The following NYAP2 variants were observed in gnomAD, a reference collection of about 807,000 sequenced individuals.
NYAP2 encodes the protein neuronal tyrosine-phosphorylated phosphoinositide-3-kinase adaptor 2.
In NYAP2, 23 loss-of-function variants were observed where a neutral mutation model predicts 50.4. The ratio of observed to expected loss-of-function variants is 0.46; its 90% CI spans 0.33 to 0.65. The LOEUF (loss-of-function observed/expected upper bound fraction) is 0.65. Among genes scored for constraint, NYAP2 ranks in the 30% least tolerant of loss-of-function variants. NYAP2 has a pLI of 0.02. For synonymous variants in NYAP2, 394 were observed against 365.2 expected, an observed-to-expected ratio of 1.08 and a Z score of -0.90; for missense variants, 885 against 861.0, an observed-to-expected ratio of 1.03 and a Z score of -0.35.
intron 3 of NYAP2, among the ~76,000 whole-genome samples, chr2:225,411,995 A>G (rs1695049966): frequency 6.7e-6 from 1 of 149,108 alleles, no homozygotes; most frequent in South Asian, 2.1e-4. Flanking sequence ...ATATTATATT[A>G]TACTATAATA....
At chr2:225,461,482 A>G (rs1466293275) in intron 3 of NYAP2, among the ~76,000 whole-genome samples, 1 of 152,240 alleles carries the variant, frequency 6.6e-6, no homozygotes, top group Non-Finnish European at 1.5e-5. Flanking sequence ...TGCTTCTGGT[A>G]GTGGAAGACT....
intron 4 of NYAP2, among the ~76,000 whole-genome samples, chr2:225,521,923 A>AAGCT (rs1405751703): frequency 2.6e-5 from 4 of 152,054 alleles, no homozygotes; most frequent in African/African-American, 9.7e-5. Context: ...TTTTGTTGGT[A>AAGCT]AGCTATTGAT....
At chr2:225,584,016 T>A (rs1332759685) in intron 5 of NYAP2, among the ~76,000 whole-genome samples, 1 of 152,060 alleles carries the variant, frequency 6.6e-6, no homozygotes, top group Non-Finnish European at 1.5e-5. Flanking sequence ...CTCTCCAGCC[T>A]GGGCGATAGA....
intron 3 of NYAP2, among the ~76,000 whole-genome samples, chr2:225,412,254 G>A (rs1298043097): frequency 5.8e-5 from 1 of 17,366 alleles, no homozygotes; most frequent in Non-Finnish European, 1.4e-4. Flanking sequence ...ACTGCGCCCG[G>A]CTTTTTTTTT....
At chr2:225,642,066 G>C (rs554313390) in intron 6 of NYAP2, among the ~76,000 whole-genome samples, 2 of 150,284 alleles carry the variant, frequency 1.3e-5, no homozygotes, top group African/African-American at 4.9e-5. Context: ...AGACAGACAT[G>C]GTTCCTGCTT....
At chr2:225,491,135 A>G (rs1432705932) in intron 3 of NYAP2, among the ~76,000 whole-genome samples, 4 of 152,232 alleles carry the variant, frequency 2.6e-5, no homozygotes, top group African/African-American at 9.6e-5. Context: ...TAAAAAGGCA[A>G]AAAAGAAAAA....
intron 6 of NYAP2, among the ~76,000 whole-genome samples, chr2:225,643,714 A>T (rs1397631478): frequency 9.2e-5 from 14 of 151,674 alleles, no homozygotes; most frequent in Admixed American, 2.6e-4. Context: ...TGTTCTTGCG[A>T]TAGTTTACTG....
chr2:225,576,586 A>G (rs1692173867), intron 4 of NYAP2, among the ~76,000 whole-genome samples: 1 of 152,220 alleles, frequency 6.6e-6, no homozygotes, highest in Non-Finnish European at 1.5e-5. Context: ...AGTATCACAC[A>G]GTGTAGACAT....
chr2:225,636,336 T>TA (rs1481174758), intron 6 of NYAP2, among the ~76,000 whole-genome samples: 1 of 152,184 alleles, frequency 6.6e-6, no homozygotes, highest in Admixed American at 6.5e-5. Flanking sequence ...TTCAACTTTT[T>TA]AATATATCTA....
At chr2:225,443,553 T>A (rs1334648634) in intron 3 of NYAP2, among the ~76,000 whole-genome samples, 1 of 152,078 alleles carries the variant, frequency 6.6e-6, no homozygotes. Context: ...AAAATGATGG[T>A]ACTGGTATGT....
At chr2:225,404,063 C>T (rs1263379588) in intron 2 of NYAP2, among the ~76,000 whole-genome samples, 1 of 151,940 alleles carries the variant, frequency 6.6e-6, no homozygotes, top group East Asian at 1.9e-4. Flanking sequence ...GCCCTCTATA[C>T]CTTGGGGAAC....
intron 3 of NYAP2, among the ~76,000 whole-genome samples, chr2:225,444,153 A>G (rs368594942): frequency 2.0e-5 from 3 of 152,206 alleles, no homozygotes; most frequent in African/African-American, 7.2e-5. Context: ...GCAGACAACA[A>G]CTAAGAAAGA....
At chr2:225,476,446 T>C (rs1263329588) in intron 3 of NYAP2, among the ~76,000 whole-genome samples, 2 of 151,852 alleles carry the variant, frequency 1.3e-5, no homozygotes, top group Non-Finnish European at 2.9e-5. Flanking sequence ...TTAAAAAATA[T>C]GCCAGGTTTT....
chr2:225,553,021 G>T (rs986848188), intron 4 of NYAP2, among the ~76,000 whole-genome samples: 1 of 152,130 alleles, frequency 6.6e-6, no homozygotes, highest in Admixed American at 6.6e-5. Flanking sequence ...CCAAGGCTAT[G>T]GTACTTTGTT....
intron 3 of NYAP2, among the ~76,000 whole-genome samples, chr2:225,432,799 A>G (rs1468505856): frequency 1.3e-5 from 2 of 152,192 alleles, no homozygotes; most frequent in Non-Finnish European, 2.9e-5. Flanking sequence ...TGACTCCTTC[A>G]TATTTTTCTC....
chr2:225,440,075 T>C (rs1050603474), intron 3 of NYAP2, among the ~76,000 whole-genome samples: 2 of 152,148 alleles, frequency 1.3e-5, no homozygotes, highest in East Asian at 3.9e-4. Flanking sequence ...ATGATTCAAT[T>C]ACCTCCACAT....
chr2:225,601,340 C>T (rs557172408), intron 5 of NYAP2, among the ~76,000 whole-genome samples: 32 of 152,016 alleles, frequency 2.1e-4, no homozygotes, highest in African/African-American at 5.3e-4. Context: ...AGAATGGTCT[C>T]GATCTCTTGA....
the NYAP2 span, among the ~76,000 whole-genome samples, chr2:225,664,548 A>G: frequency 1.3e-5 from 2 of 152,212 alleles, no homozygotes; most frequent in East Asian, 3.9e-4. Context: ...CTACTTACTG[A>G]GGATGAGAGA....
chr2:225,541,204 G>A (rs1437481018), intron 4 of NYAP2, among the ~76,000 whole-genome samples: 1 of 152,044 alleles, frequency 6.6e-6, no homozygotes, highest in Non-Finnish European at 1.5e-5. Context: ...CTTGTTAGGT[G>A]GATAGTTTGC....
Sources: gnomAD v4.1 joint callset for allele counts (sites outside exome capture counted in the v4.1 genomes callset) on GRCh38, gnomAD v4.1.1 for gene constraint, MANE v1.5 for transcripts, NCBI Gene and HGNC (gene_info 2026-07-23, HGNC 2026-07-21) for gene names.